The following CPLX1 variants were observed in gnomAD, a reference collection of about 807,000 sequenced individuals.
CPLX1 encodes the protein complexin-1.
In CPLX1, 6 loss-of-function variants were observed where a neutral mutation model predicts 15.6. The ratio of observed to expected loss-of-function variants is 0.39; its 90% CI spans 0.21 to 0.76. CPLX1 has a LOEUF of 0.76. Among genes scored for constraint, CPLX1 ranks in the 30% least tolerant of loss-of-function variants. The pLI is 0.43. For missense variants in CPLX1, 242 were observed against 188.6 expected (o/e 1.28, Z -1.66); for synonymous variants, 91 against 75.2 (o/e 1.21, Z -1.08).
chr4:809,564 G>A (rs1746623338), intron 2 of CPLX1, among the ~76,000 whole-genome samples: 1 of 152,234 alleles, frequency 6.6e-6, no homozygotes, highest in Non-Finnish European at 1.5e-5. Context: ...GGCCACATGT[G>A]TGACCACTTC....
At chr4:798,258 G>GT (rs1746382780) in intron 2 of CPLX1, among the ~76,000 whole-genome samples, 2 of 137,332 alleles carry the variant, frequency 1.5e-5, no homozygotes, top group Non-Finnish European at 3.0e-5. Context: ...CTGGGTGACA[G>GT]TGAGACTCCG....
chr4:789,128 C>T (rs555876350), intron 3 of CPLX1, among the ~76,000 whole-genome samples: 1 of 152,334 alleles, frequency 6.6e-6, no homozygotes, highest in South Asian at 2.1e-4. Context: ...GGCCTGAGGG[C>T]CAGGGTCACT....
At chr4:824,940 G>C (rs1273048209) in intron 1 of CPLX1, 3 of 374,126 alleles carry the variant, frequency 8.0e-6, no homozygotes, top group Non-Finnish European at 1.6e-5. Flanking sequence ...CCGCTCTGCA[G>C]CTCAGTGTCT....
Position 792,482 on chromosome 4 carries a change from G to C in CPLX1, c.158C>G (p.Ala53Gly), listed in dbSNP as rs752757823. The change falls in exon 3 of 4, where the codon GCC becomes GGC. Residue 53 changes from alanine to glycine, a missense_variant. Physicochemically the swap from Ala to Gly is moderately conservative, Grantham distance 60 (BLOSUM62 0). Coordinates refer to ENST00000304062, the MANE Select transcript of CPLX1 (RefSeq NM_006651.4). ...GGCCTCGCGCTCCGCCTCCATCTTG[G>C]CGTACTTGGCCTTGCGCTCCTCCTC... is the stretch of plus-strand genomic sequence containing the variant. The part of the protein sequence containing the change: ...QAEEERKAKY[A>G]KMEAEREAVR... 6.2e-7 allele frequency: 1 copy of C among 1,612,106 alleles called. No homozygotes were observed. Among genetic ancestry groups the C allele is most frequent in the Admixed American group, 1.7e-5 (1 of 59,970 alleles).
At chr4:813,862 CCA>C (rs145878038) in intron 2 of CPLX1, among the ~76,000 whole-genome samples, 5 of 152,076 alleles carry the variant, frequency 3.3e-5, no homozygotes, top group Non-Finnish European at 5.9e-5. Context: ...CCCAGAATTC[CCA>C]CACACACACA....
chr4:799,960 G>A (rs1400309746), intron 2 of CPLX1, among the ~76,000 whole-genome samples: 1 of 152,172 alleles, frequency 6.6e-6, no homozygotes. Flanking sequence ...AAGAGGGGTC[G>A]CATGAACCCC....
intron 3 of CPLX1, chr4:787,669 C>G: frequency 1.0e-6 from 1 of 984,142 alleles, no homozygotes; most frequent in South Asian, 4.7e-5. Context: ...CCCCCAGAGC[C>G]TCCAGAGGGA....
At chr4:801,750 C>T (rs572570822) in intron 2 of CPLX1, among the ~76,000 whole-genome samples, 37 of 152,314 alleles carry the variant, frequency 2.4e-4, no homozygotes, top group African/African-American at 7.7e-4. Context: ...TTGTCCCTTT[C>T]GTTACATGAT....
chr4:804,668 T>C (rs1019670515), intron 2 of CPLX1: 3 of 912,884 alleles, frequency 3.3e-6, no homozygotes, highest in Non-Finnish European at 3.9e-6. Flanking sequence ...TTGTTCTTTT[T>C]GGGGCTTTGG....
At chr4:818,682 T>C (rs1239606619) in intron 2 of CPLX1, among the ~76,000 whole-genome samples, 1 of 152,266 alleles carries the variant, frequency 6.6e-6, no homozygotes, top group African/African-American at 2.4e-5. Context: ...ACAACTGTCC[T>C]GGAAACCGGC....
At position 786,251 on chromosome 4, in the gene CPLX1, A is replaced by C; in HGVS notation, c.*250T>G. On this transcript the variant is annotated 3_prime_UTR_variant, in exon 4 of 4. Transcript: ENST00000304062. ...GCTGCTGGGTGGGCGGTAAACAGCA[A>C]GAGAAAGGGGCGTCCCAGGCGATGG... The C allele has an allele frequency of 4.2e-5, 14 of 331,218 alleles. No homozygotes were observed. The highest frequency in any genetic ancestry group is 5.0e-5 in the East Asian group (1 of 19,968). The allele number at this position is 331,218 out of a possible 1,614,324, so 20.5% of individuals were successfully genotyped here.
chr4:795,324 C>T (rs993471866), intron 2 of CPLX1, among the ~76,000 whole-genome samples: 30 of 152,372 alleles, frequency 2.0e-4, no homozygotes, highest in African/African-American at 7.0e-4. Context: ...GCCCCGAGCA[C>T]TGCTGCGACC....
At chr4:800,768 CACACACAG>C (rs1311046840) in intron 2 of CPLX1, among the ~76,000 whole-genome samples, 1 of 146,842 alleles carries the variant, frequency 6.8e-6, no homozygotes, top group South Asian at 2.1e-4. Flanking sequence ...CACACATATA[CACACACAG>C]ACACATATAT....
chr4:814,449 G>A (rs981667737), intron 2 of CPLX1, among the ~76,000 whole-genome samples: 1 of 152,102 alleles, frequency 6.6e-6, no homozygotes, highest in Admixed American at 6.5e-5. Context: ...CTGACCTCAG[G>A]TGATTCACCT....
At chr4:787,114 G>A (rs879306607) in intron 3 of CPLX1, 4 of 985,308 alleles carry the variant, frequency 4.1e-6, no homozygotes, top group South Asian at 4.7e-5. Context: ...TGACCCTCCT[G>A]CCCAGTGCCT....
At chr4:801,992 T>A (rs1216449174) in intron 2 of CPLX1, among the ~76,000 whole-genome samples, 1 of 152,190 alleles carries the variant, frequency 6.6e-6, no homozygotes. Flanking sequence ...TTGCCAACAG[T>A]TGAGCATTTT....
intron 1 of CPLX1, chr4:824,879 C>A: frequency 2.2e-6 from 1 of 460,730 alleles, no homozygotes; most frequent in South Asian, 1.8e-5. Context: ...CGCCTGGCGC[C>A]AGGCTGCGGA....
intron 3 of CPLX1, among the ~76,000 whole-genome samples, chr4:788,914 G>A (rs2152641767): frequency 6.6e-6 from 1 of 152,370 alleles, no homozygotes; most frequent in South Asian, 2.1e-4. Context: ...AGTTGTGTGA[G>A]CAAAGGAACC....
chr4:813,938 G>C (rs1746705019), intron 2 of CPLX1, among the ~76,000 whole-genome samples: 1 of 152,220 alleles, frequency 6.6e-6, no homozygotes, highest in Non-Finnish European at 1.5e-5. Context: ...GAAAGTCTCT[G>C]ACACAAAGAA....
Sources: gnomAD v4.1 joint callset for allele counts (sites outside exome capture counted in the v4.1 genomes callset) on GRCh38, gnomAD v4.1.1 for gene constraint, MANE v1.5 for transcripts, NCBI Gene and HGNC (gene_info 2026-07-23, HGNC 2026-07-21) for gene names.